Variants in KCNH7 observed in about 807,000 individuals in gnomAD.
KCNH7 encodes the protein voltage-gated inwardly rectifying potassium channel KCNH7.
In KCNH7, 49 loss-of-function variants were observed where a neutral mutation model predicts 120.8. The observed-to-expected ratio is 0.41, with a 90% confidence interval of 0.32 to 0.51. The LOEUF is 0.51. Among genes scored for constraint, KCNH7 ranks in the 20% least tolerant of loss-of-function variants. The pLI is 0.38. For missense variants in KCNH7, 1,097 were observed against 1,446.6 expected (o/e 0.76, Z 3.92); for synonymous variants, 547 against 516.1 (o/e 1.06, Z -0.81).
chr2:162,780,605 G>A (rs1455135018), intron 2 of KCNH7, among the ~76,000 whole-genome samples: 1 of 152,108 alleles, frequency 6.6e-6, no homozygotes, highest in East Asian at 1.9e-4. Context: ...CTGCAAAATC[G>A]TTTTTATTTA....
At chr2:162,666,239 C>A (rs1363359222) in intron 2 of KCNH7, among the ~76,000 whole-genome samples, 1 of 152,066 alleles carries the variant, frequency 6.6e-6, no homozygotes, top group East Asian at 1.9e-4. Context: ...GTCATCATGC[C>A]TCACACTTCT....
chr2:162,372,965 C>G (rs1418905387), intron 15 of KCNH7, among the ~76,000 whole-genome samples: 1 of 152,118 alleles, frequency 6.6e-6, no homozygotes, highest in East Asian at 1.9e-4. Context: ...GGGGTACAGA[C>G]AAGATTACTA....
chr2:162,827,058 C>T (rs777072316), intron 2 of KCNH7, among the ~76,000 whole-genome samples: 3 of 151,978 alleles, frequency 2.0e-5, no homozygotes, highest in Non-Finnish European at 2.9e-5. Flanking sequence ...GGATGACAGC[C>T]TTTAGGAGGA....
chr2:162,785,662 A>G (rs911026113), intron 2 of KCNH7, among the ~76,000 whole-genome samples: 1 of 152,032 alleles, frequency 6.6e-6, no homozygotes, highest in Non-Finnish European at 1.5e-5. Flanking sequence ...GTTTTGCACT[A>G]TTACTCCATA....
chr2:162,693,095 G>GA (rs5835918), intron 2 of KCNH7, among the ~76,000 whole-genome samples: 23,195 of 152,122 alleles, frequency 0.15, 5,569 homozygotes, highest in African/African-American at 0.51. Context: ...AATAAATGGG[G>GA]AAAAAAGAAG....
At chr2:162,618,055 T>C (rs1683213196) in intron 2 of KCNH7, among the ~76,000 whole-genome samples, 1 of 151,954 alleles carries the variant, frequency 6.6e-6, no homozygotes, top group Non-Finnish European at 1.5e-5. Flanking sequence ...TAATAATATT[T>C]CCAGTTAAAC....
At chr2:162,428,918 C>T (rs1467694790) in intron 8 of KCNH7, among the ~76,000 whole-genome samples, 1 of 151,628 alleles carries the variant, frequency 6.6e-6, no homozygotes, top group Admixed American at 6.6e-5. Context: ...CAGCATATGG[C>T]TGTCTTATTT....
intron 2 of KCNH7, among the ~76,000 whole-genome samples, chr2:162,538,337 CT>C (rs1692183126): frequency 6.6e-6 from 1 of 152,022 alleles, no homozygotes; most frequent in Admixed American, 6.6e-5. Context: ...TCGGACCCCC[CT>C]GATTTAGGAA....
chr2:162,673,623 G>C (rs1206961758), intron 2 of KCNH7, among the ~76,000 whole-genome samples: 1 of 151,978 alleles, frequency 6.6e-6, no homozygotes, highest in Non-Finnish European at 1.5e-5. Context: ...CCCAGTTAGG[G>C]GTTGCTCATT....
At chr2:162,532,850 C>A (rs1223286601) in intron 3 of KCNH7, among the ~76,000 whole-genome samples, 1 of 151,820 alleles carries the variant, frequency 6.6e-6, no homozygotes, top group Non-Finnish European at 1.5e-5. Context: ...CACTGAGTAC[C>A]TTACTGGTAA....
chr2:162,415,696 T>TA (rs1487441238), intron 9 of KCNH7, among the ~76,000 whole-genome samples: 1 of 152,138 alleles, frequency 6.6e-6, no homozygotes, highest in Non-Finnish European at 1.5e-5. Flanking sequence ...ACAATTTTTT[T>TA]AAAAAAATTT....
At chr2:162,713,716 G>A (rs549185992) in intron 2 of KCNH7, among the ~76,000 whole-genome samples, 1 of 152,096 alleles carries the variant, frequency 6.6e-6, no homozygotes, top group South Asian at 2.1e-4. Context: ...ATAGAGTAAT[G>A]TAGTATTATT....
At chr2:162,798,857 C>A (rs952493881) in intron 2 of KCNH7, among the ~76,000 whole-genome samples, 4 of 151,948 alleles carry the variant, frequency 2.6e-5, no homozygotes, top group Non-Finnish European at 5.9e-5. Flanking sequence ...TGAAAAGCGA[C>A]CCCCACCTAT....
intron 7 of KCNH7, among the ~76,000 whole-genome samples, chr2:162,436,084 ATAAT>A (rs1230799955): frequency 1.3e-5 from 2 of 151,844 alleles, no homozygotes; most frequent in African/African-American, 2.4e-5. Flanking sequence ...AAACAAACAA[ATAAT>A]TAATTTCAGA....
At chr2:162,376,571 C>G (rs746201506) in intron 14 of KCNH7, among the ~76,000 whole-genome samples, 8 of 152,018 alleles carry the variant, frequency 5.3e-5, no homozygotes, top group Non-Finnish European at 1.0e-4. Context: ...ACCATCTTGG[C>G]CAGGCTGGTC....
intron 2 of KCNH7, among the ~76,000 whole-genome samples, chr2:162,620,134 A>G (rs1683294063): frequency 1.3e-5 from 2 of 150,428 alleles, no homozygotes; most frequent in African/African-American, 2.4e-5. Flanking sequence ...AAATCTACCA[A>G]TGGGTAGAGA....
At chr2:162,745,421 T>TA (rs1688282618) in intron 2 of KCNH7, among the ~76,000 whole-genome samples, 1 of 152,094 alleles carries the variant, frequency 6.6e-6, no homozygotes, top group African/African-American at 2.4e-5. Context: ...TTAGAGCAAA[T>TA]AAATGACAAA....
At chr2:162,832,056 AG>A (rs764940137) in intron 2 of KCNH7, among the ~76,000 whole-genome samples, 284 of 152,288 alleles carry the variant, frequency 1.9e-3, no homozygotes, top group Non-Finnish European at 2.4e-3. Context: ...AAAGTCCATG[AG>A]ATGATATAAA....
intron 2 of KCNH7, among the ~76,000 whole-genome samples, chr2:162,777,541 G>T (rs535078772): frequency 6.6e-6 from 1 of 152,242 alleles, no homozygotes; most frequent in Admixed American, 6.5e-5. Flanking sequence ...AAATATTGAA[G>T]TTGAGGAGAC....
Sources: allele counts gnomAD v4.1 joint callset (sites outside exome capture counted in the v4.1 genomes callset), GRCh38; gene constraint gnomAD v4.1.1; transcripts MANE v1.5; gene names NCBI Gene and HGNC (gene_info 2026-07-23, HGNC 2026-07-21).